TRAF1: variants seen among roughly 807,000 people sequenced by gnomAD.
TRAF1 encodes the protein TNF receptor associated factor 1.
In TRAF1, 23 loss-of-function variants were observed where a neutral mutation model predicts 40.9. That is an observed-to-expected ratio of 0.56 (90% CI 0.40 to 0.80). The LOEUF is 0.80. TRAF1 is among the 30% of genes least tolerant of loss of function. The pLI is 0.00. For missense variants in TRAF1, 477 were observed against 528.7 expected (o/e 0.90, Z 0.96); for synonymous variants, 206 against 218.8 (o/e 0.94, Z 0.52).
chr9:120,926,804 T>G (rs1385926497), upstream of TRAF1: 1 of 152,136 alleles, frequency 6.6e-6, no homozygotes, highest in Non-Finnish European at 1.5e-5. Flanking sequence ...ATCCAAGGCC[T>G]AGGACCACAG....
chr9:120,924,568 C>T (rs2046626312), intron 2 of TRAF1, among the ~76,000 whole-genome samples: 1 of 152,148 alleles, frequency 6.6e-6, no homozygotes, highest in African/African-American at 2.4e-5. Context: ...GTGCACACCA[C>T]CACACCCAGC....
chr9:120,914,436 G>C, intron 3 of TRAF1, 136 bp from the exon 4 acceptor site: 1 of 1,238,036 alleles, frequency 8.1e-7, no homozygotes, highest in African/African-American at 1.5e-5. Flanking sequence ...GTTCCCTTTG[G>C]CTATCTCCTT....
At chr9:120,925,468 G>C (rs1475613222) in intron 2 of TRAF1, among the ~76,000 whole-genome samples, 1 of 152,228 alleles carries the variant, frequency 6.6e-6, no homozygotes, top group Admixed American at 6.5e-5. Context: ...CCAGCAAACG[G>C]TCTGAGGTGA....
intron 3 of TRAF1, among the ~76,000 whole-genome samples, chr9:120,919,209 G>A (rs972165244): frequency 1.1e-4 from 16 of 152,232 alleles, no homozygotes; most frequent in Admixed American, 6.5e-4. Flanking sequence ...TGGCCTCACT[G>A]CTTGCAAATT....
At chr9:120,917,586 AG>A (rs1319238117) in intron 3 of TRAF1, among the ~76,000 whole-genome samples, 1 of 152,222 alleles carries the variant, frequency 6.6e-6, no homozygotes, top group African/African-American at 2.4e-5. Context: ...TCTGGAGGCC[AG>A]GGGTCCTAAC....
chr9:120,917,701 T>A (rs577607721), intron 3 of TRAF1, among the ~76,000 whole-genome samples: 3 of 152,226 alleles, frequency 2.0e-5, no homozygotes, highest in Admixed American at 1.3e-4. Flanking sequence ...TGGCTTGTGG[T>A]CCCTTCCTCC....
chr9:120,920,165 C>T lies in TRAF1; in HGVS notation c.228+3540G>A, dbSNP rs954325395. 1.1e-4 allele frequency among the ~76,000 whole-genome samples: 16 copies of T among 152,162 alleles called. 1 individual carries two copies. The highest frequency in any genetic ancestry group is 2.4e-5 in the African/African-American group (1 of 41,420). ...CGCATTTACCCCAAATGCACAGAGA[C>T]TGGGGAAAGACTGCTCAGTGTCTTT... is the stretch of plus-strand genomic sequence containing the variant. On this transcript the variant is annotated intron_variant, in intron 3 of 7. Coordinates refer to ENST00000373887, the MANE Select transcript of TRAF1 (RefSeq NM_005658.5).
At chr9:120,923,370 C>T (rs2046617268) in intron 3 of TRAF1, among the ~76,000 whole-genome samples, 1 of 152,198 alleles carries the variant, frequency 6.6e-6, no homozygotes, top group South Asian at 2.1e-4. Context: ...TATGCATGGC[C>T]TATCATTCTT....
At chr9:120,917,439 A>G (rs1301929502) in intron 3 of TRAF1, among the ~76,000 whole-genome samples, 1 of 152,204 alleles carries the variant, frequency 6.6e-6, no homozygotes, top group African/African-American at 2.4e-5. Flanking sequence ...GGATAATAAT[A>G]ATACCCCCTT....
At position 120,926,137 on chromosome 9, in the gene TRAF1, T is replaced by G; in HGVS notation, c.-62A>C. On this transcript the variant is annotated 5_prime_UTR_variant, in exon 2 of 8. Transcript: ENST00000373887. ...TTGCTCCAGGGCAGGGGACCAGCCT[T>G]GTGGAGTCCTGGCCTGGGCCTCACT... 6.8e-7 allele frequency: 1 copy of G among 1,467,108 alleles called. No individual in the cohort carries two copies. Among genetic ancestry groups the G allele is most frequent in the Non-Finnish European group, 9.0e-7 (1 of 1,108,636 alleles). The allele number at this position is 1,467,108 out of a possible 1,614,324, so 90.9% of individuals were successfully genotyped here.
rs2046450304 is a variant in TRAF1, at chr9:120,902,977, A to G, written c.*2043T>C. 1 of 152,208 alleles carries G rather than the reference A, an allele frequency of 6.6e-6. No individual in the cohort carries two copies. The highest frequency in any genetic ancestry group is 2.4e-5 in the African/African-American group (1 of 41,460). The allele number at this position is 152,208 out of a possible 1,614,324, so 9.4% of individuals were successfully genotyped here. On this transcript the variant is annotated 3_prime_UTR_variant, in exon 8 of 8. Coordinates refer to ENST00000373887, the MANE Select transcript of TRAF1 (RefSeq NM_005658.5). Reference sequence around the variant, plus strand: ...TCTTGCCATCAGAAATAGGCAATCAAAAGTGTAGAGTAACAGCTGTTTCTC... The same window carrying G: ...TCTTGCCATCAGAAATAGGCAATCAGAAGTGTAGAGTAACAGCTGTTTCTC...
At chr9:120,911,583 T>G in intron 5 of TRAF1, 70 bp from the exon 6 acceptor site, 607 of 1,542,484 alleles carry the variant, frequency 3.9e-4, no homozygotes, top group Non-Finnish European at 4.9e-4. Flanking sequence ...TGGCGGGATG[T>G]GGAGATTGAT....
intron 7 of TRAF1, among the ~76,000 whole-genome samples, chr9:120,907,637 G>A (rs2046492855): frequency 1.3e-5 from 2 of 152,152 alleles, no homozygotes; most frequent in African/African-American, 4.8e-5. Context: ...TCAGCATTTG[G>A]TACTGTCAGT....
At chr9:120,910,105 C>A (rs77584282) in intron 6 of TRAF1, among the ~76,000 whole-genome samples, 2 of 152,134 alleles carry the variant, frequency 1.3e-5, no homozygotes, top group African/African-American at 4.8e-5. Flanking sequence ...TCTGGCAGAG[C>A]GCCCTTCTGG....
At chr9:120,927,138 T>A (rs2046646639), upstream of TRAF1, 1 of 152,244 alleles carries the variant, frequency 6.6e-6, no homozygotes, top group South Asian at 2.1e-4. Context: ...GCACACAGCC[T>A]CTGGTAGTGG....
At chr9:120,919,652 C>T (rs117496807) in intron 3 of TRAF1, among the ~76,000 whole-genome samples, 165 of 152,298 alleles carry the variant, frequency 1.1e-3, no homozygotes, top group Non-Finnish European at 2.0e-3. Flanking sequence ...ACTGTCCGCC[C>T]GTTCCTGCCC....
At position 120,909,268 on chromosome 9, in the gene TRAF1, C is replaced by G. The variant is rs1237980197; in HGVS notation, c.994G>C (p.Glu332Gln). The change falls in exon 7 of 8, where the codon GAG (glutamate) becomes CAG (glutamine). Residue 332 changes from glutamate (E) to glutamine (Q), a missense_variant. Coordinates refer to ENST00000373887, the MANE Select transcript of TRAF1 (RefSeq NM_005658.5). ...LSLFIVIMRG[E>Q]YDALLPWPFR... The stretch of plus-strand genomic sequence containing the variant: ...GGCCACGGCAGCAGCGCATCATACT[C>G]CCCTCTCATGATCACGATGAAGAGC... 2 of 1,614,134 alleles carry G rather than the reference C, an allele frequency of 1.2e-6. No homozygotes were observed. The highest frequency in any genetic ancestry group is 1.7e-6 in the Non-Finnish European group (2 of 1,180,030).
chr9:120,920,013 C>T (rs2046594468), intron 3 of TRAF1, among the ~76,000 whole-genome samples: 1 of 152,158 alleles, frequency 6.6e-6, no homozygotes, highest in Admixed American at 6.5e-5. Flanking sequence ...GGGCTATCAC[C>T]GCCACCCACC....
chr9:120,903,903 T>C lies in TRAF1; in HGVS notation c.*1117A>G, dbSNP rs2046458774. 1 of 152,242 alleles carries C rather than the reference T, an allele frequency of 6.6e-6. No homozygotes were observed. Among genetic ancestry groups the C allele is most frequent in the Non-Finnish European group, 1.5e-5 (1 of 68,068 alleles). The allele number at this position is 152,242 out of a possible 1,614,324, so 9.4% of individuals were successfully genotyped here. ...GGTGGCACCACCTCAAACTCAGCAA[T>C]GGCCTTTTCAAACCTGGCTCAGTAC... On this transcript the variant is annotated 3_prime_UTR_variant, in exon 8 of 8. Coordinates refer to ENST00000373887, the MANE Select transcript of TRAF1 (RefSeq NM_005658.5).
Sources: gnomAD v4.1 joint callset for allele counts (sites outside exome capture counted in the v4.1 genomes callset) on GRCh38, gnomAD v4.1.1 for gene constraint, MANE v1.5 for transcripts, NCBI Gene and HGNC (gene_info 2026-07-23, HGNC 2026-07-21) for gene names.